The following RPP30 variants were observed in gnomAD, a reference collection of about 807,000 sequenced individuals.
RPP30 encodes ribonuclease P/MRP subunit p30.
In RPP30, 36 loss-of-function variants were observed where a neutral mutation model predicts 38.6. The observed-to-expected ratio is 0.93, with a 90% CI of 0.71 to 1.23. RPP30 has a LOEUF of 1.23. Ranked by LOEUF, RPP30 falls within the 50% of genes most tolerant of loss-of-function variation. The probability of loss-of-function intolerance (pLI) is 0.00; values close to 1 mark genes in which losing one functional copy is unlikely to be tolerated. For synonymous variants in RPP30, 126 were observed against 112.7 expected, an observed-to-expected ratio of 1.12 and a Z score of -0.75; for missense variants, 321 against 321.7, an observed-to-expected ratio of 1.00 and a Z score of 0.02.
chr10:90,894,651 G>T, intron 6 of RPP30, 124 bp from the exon 7 acceptor site: 1 of 726,384 alleles, frequency 1.4e-6, no homozygotes, highest in Non-Finnish European at 2.5e-6. Context: ...CTTTCATAAA[G>T]CTGTACCTTG....
intron 10 of RPP30, among the ~76,000 whole-genome samples, chr10:90,896,633 C>T (rs893985183): frequency 6.6e-6 from 1 of 152,176 alleles, no homozygotes; most frequent in African/African-American, 2.4e-5. Flanking sequence ...TCCAGCTATA[C>T]ATGTGTGCTC....
intron 6 of RPP30, among the ~76,000 whole-genome samples, chr10:90,892,331 G>T (rs1372091176): frequency 6.6e-6 from 1 of 152,086 alleles, no homozygotes; most frequent in Non-Finnish European, 1.5e-5. Context: ...AAAATAAGAT[G>T]CTATGAAAGA....
intron 5 of RPP30, among the ~76,000 whole-genome samples, chr10:90,885,042 C>T (rs1436197940): frequency 6.6e-6 from 1 of 152,154 alleles, no homozygotes; most frequent in African/African-American, 2.4e-5. Context: ...CTTTTCCCAG[C>T]TTTATTTTTC....
intron 4 of RPP30, among the ~76,000 whole-genome samples, chr10:90,877,548 G>A (rs1404392947): frequency 1.3e-5 from 2 of 151,694 alleles, no homozygotes; most frequent in Non-Finnish European, 2.9e-5. Context: ...AGGACAGCAA[G>A]CAAAGGGAAA....
chr10:90,875,100 T>C (rs75405987), intron 2 of RPP30, among the ~76,000 whole-genome samples, 176 bp downstream of exon 2: 2 of 152,326 alleles, frequency 1.3e-5, no homozygotes, highest in South Asian at 2.1e-4. Flanking sequence ...ACAATGATGA[T>C]TTTTGTGAGG....
At chr10:90,882,007 C>T (rs939991360) in intron 5 of RPP30, among the ~76,000 whole-genome samples, 2 of 152,136 alleles carry the variant, frequency 1.3e-5, no homozygotes, top group East Asian at 3.9e-4. Flanking sequence ...TAGAAACTCC[C>T]TCTCCATAGC....
chr10:90,880,717 CTCAAAAAAA>C (rs1393105568), intron 5 of RPP30, among the ~76,000 whole-genome samples: 1 of 151,676 alleles, frequency 6.6e-6, no homozygotes, highest in African/African-American at 2.4e-5. Flanking sequence ...AAGACTGTGT[CTCAAAAAAA>C]TTTTTTTTAA....
intron 6 of RPP30, among the ~76,000 whole-genome samples, chr10:90,894,557 G>T (rs530851400): frequency 2.8e-4 from 43 of 152,256 alleles, no homozygotes; most frequent in African/African-American, 1.0e-3. Flanking sequence ...CTTCCCCACA[G>T]CCAAGTTAAA....
At chr10:90,903,083 G>T (rs1847220916), downstream of RPP30, 2 of 698,034 alleles carry the variant, frequency 2.9e-6, no homozygotes, top group South Asian at 1.6e-5. Flanking sequence ...TCATTACAAA[G>T]AACTGCTGTC....
chr10:90,881,261 T>C (rs997677244), intron 5 of RPP30, among the ~76,000 whole-genome samples: 2 of 152,230 alleles, frequency 1.3e-5, no homozygotes. Context: ...GGGACAGATA[T>C]TTATTACTAT....
At chr10:90,879,225 T>C (rs556896805) in intron 5 of RPP30, 91 bp downstream of exon 5, 1 of 970,808 alleles carries the variant, frequency 1.0e-6, no homozygotes, top group East Asian at 2.5e-5. Flanking sequence ...TTTTGACTCA[T>C]CTGGAAACTT....
Position 90,895,914 on chromosome 10 carries a change from A to T in RPP30, c.614A>T (p.Asn205Ile). Residue 205 changes from asparagine to isoleucine, a missense_variant, in exon 9 of 11, where the codon AAT becomes ATT. Coordinates refer to ENST00000371703, the MANE Select transcript of RPP30 (RefSeq NM_006413.5). ...LEIRGPYDVA[N>I]LGLLFGLSES... Reference sequence around the variant, plus strand: ...ATAAGAGGGCCATATGACGTGGCAAATCTGTATCCTTTTCTGAGTAAAAAG... The same window carrying T: ...ATAAGAGGGCCATATGACGTGGCAATTCTGTATCCTTTTCTGAGTAAAAAG... The T allele has an allele frequency of 6.3e-7, 1 of 1,599,232 alleles. No individual in the cohort carries two copies. The highest frequency in any genetic ancestry group is 8.5e-7 in the Non-Finnish European group (1 of 1,172,800).
At chr10:90,875,964 A>G (rs1204866427) in intron 3 of RPP30, 60 bp from the exon 4 acceptor site, 1 of 1,014,232 alleles carries the variant, frequency 9.9e-7, no homozygotes, top group Non-Finnish European at 1.6e-6. Context: ...TTCCACTGGT[A>G]AAAAGGAAAA....
intron 6 of RPP30, among the ~76,000 whole-genome samples, chr10:90,886,970 A>G (rs1378473148): frequency 3.9e-5 from 6 of 152,048 alleles, no homozygotes; most frequent in Non-Finnish European, 5.9e-5. Context: ...TATTAGTAGT[A>G]GTAGTAGTAG....
intron 1 of RPP30, among the ~76,000 whole-genome samples, chr10:90,874,370 A>G (rs1846823227): frequency 6.6e-6 from 1 of 152,204 alleles, no homozygotes; most frequent in African/African-American, 2.4e-5. Flanking sequence ...TTAGGAAAGG[A>G]GTCTCTGAAG....
chr10:90,873,864 C>A (rs1846816042), intron 1 of RPP30, among the ~76,000 whole-genome samples: 2 of 152,034 alleles, frequency 1.3e-5, no homozygotes, highest in Non-Finnish European at 2.9e-5. Flanking sequence ...TTTGTGACCC[C>A]TACACCAGGT....
chr10:90,878,593 G>A (rs893437209), intron 4 of RPP30, among the ~76,000 whole-genome samples: 3 of 151,790 alleles, frequency 2.0e-5, no homozygotes, highest in African/African-American at 7.3e-5. Context: ...TGGGACTCAA[G>A]AGACCCTTCT....
At chr10:90,880,440 A>G (rs553111587) in intron 5 of RPP30, among the ~76,000 whole-genome samples, 35 of 152,260 alleles carry the variant, frequency 2.3e-4, no homozygotes, top group Non-Finnish European at 4.4e-4. Context: ...AAAAAATGCA[A>G]TTGTAGGCCG....
At chr10:90,872,248 T>TC (rs1296217263) in intron 1 of RPP30, 180 bp downstream of exon 1, 8 of 615,948 alleles carry the variant, frequency 1.3e-5, no homozygotes, top group Non-Finnish European at 2.1e-5. Flanking sequence ...ACTCGAAGGT[T>TC]CTGGGGGTTG....
Sources: allele counts gnomAD v4.1 joint callset (sites outside exome capture counted in the v4.1 genomes callset), GRCh38; gene constraint gnomAD v4.1.1; transcripts MANE v1.5; gene names NCBI Gene and HGNC (gene_info 2026-07-23, HGNC 2026-07-21).